The following MET variants were observed in gnomAD, a reference collection of about 807,000 sequenced individuals.
MET encodes the protein MET proto-oncogene, receptor tyrosine kinase, also known as hepatocyte growth factor receptor.
Under a neutral mutation model 133.1 loss-of-function variants are expected in MET, and 48 were observed. The observed-to-expected ratio is 0.36, with a 90% CI of 0.29 to 0.46. The LOEUF (loss-of-function observed/expected upper bound fraction) is 0.46, where lower values mean the gene tolerates loss of function less well. Among genes scored for constraint, MET ranks in the 20% least tolerant of loss-of-function variants. MET has a pLI of 1.00. For synonymous variants in MET, 628 were observed against 616.5 expected (o/e 1.02, Z -0.28); for missense variants, 1,442 against 1,695.9 (o/e 0.85, Z 2.63).
At chr7:116,764,192 C>T (rs1359771462) in intron 11 of MET, among the ~76,000 whole-genome samples, 2 of 152,118 alleles carry the variant, frequency 1.3e-5, no homozygotes, top group Non-Finnish European at 2.9e-5. Context: ...AATTTAACTG[C>T]AGCCCAACTT....
chr7:116,729,278 C>T (rs2116764757), intron 2 of MET, among the ~76,000 whole-genome samples: 1 of 152,228 alleles, frequency 6.6e-6, no homozygotes, highest in South Asian at 2.1e-4. Context: ...GTATTAATTA[C>T]AAGAGTCAGT....
At chr7:116,687,028 C>T (rs943668353) in intron 1 of MET, among the ~76,000 whole-genome samples, 3 of 152,226 alleles carry the variant, frequency 2.0e-5, no homozygotes, top group African/African-American at 7.2e-5. Flanking sequence ...CTTTACAGCA[C>T]AGCCTGGGCG....
chr7:116,729,116 A>G (rs1249049357), intron 2 of MET, among the ~76,000 whole-genome samples: 2 of 152,238 alleles, frequency 1.3e-5, no homozygotes, highest in Non-Finnish European at 2.9e-5. Context: ...TTAATTATCA[A>G]TTAATCGGTT....
chr7:116,687,851 C>T (rs1368645027), intron 1 of MET, among the ~76,000 whole-genome samples: 2 of 152,212 alleles, frequency 1.3e-5, no homozygotes, highest in African/African-American at 4.8e-5. Context: ...TTGGCACCCT[C>T]ACACCTCTCC....
intron 3 of MET, among the ~76,000 whole-genome samples, chr7:116,739,298 T>A (rs2116821923): frequency 6.6e-6 from 1 of 152,292 alleles, no homozygotes; most frequent in African/African-American, 2.4e-5. Flanking sequence ...CAAACCTCAT[T>A]TCCCGGGCAT....
chr7:116,686,753 C>T (rs1310910925), intron 1 of MET, among the ~76,000 whole-genome samples: 1 of 152,210 alleles, frequency 6.6e-6, no homozygotes, highest in African/African-American at 2.4e-5. Context: ...TAATCTTATA[C>T]CTTTTTCCAC....
intron 1 of MET, among the ~76,000 whole-genome samples, chr7:116,698,356 G>T (rs754825675): frequency 6.6e-6 from 1 of 152,138 alleles, no homozygotes; most frequent in Non-Finnish European, 1.5e-5. Flanking sequence ...AGTAGTTCTA[G>T]GACTTTAGTT....
At chr7:116,732,121 C>T (rs1357151176) in intron 3 of MET, among the ~76,000 whole-genome samples, 1 of 151,860 alleles carries the variant, frequency 6.6e-6, no homozygotes. Flanking sequence ...ATTTTTTTTC[C>T]ATTTATAATT....
intron 2 of MET, among the ~76,000 whole-genome samples, chr7:116,720,207 TG>T (rs2116707109): frequency 6.8e-6 from 1 of 148,112 alleles, no homozygotes; most frequent in Admixed American, 6.7e-5. Flanking sequence ...TCACATCCCT[TG>T]TAAGTTGGAT....
intron 11 of MET, among the ~76,000 whole-genome samples, chr7:116,769,299 C>T (rs548683119): frequency 4.6e-5 from 7 of 152,162 alleles, no homozygotes; most frequent in East Asian, 1.9e-4. Flanking sequence ...CTCTACATTG[C>T]GTCTTTTTTG....
chr7:116,685,104 G>A (rs746013159), intron 1 of MET, among the ~76,000 whole-genome samples: 1 of 152,176 alleles, frequency 6.6e-6, no homozygotes, highest in Non-Finnish European at 1.5e-5. Context: ...TGTGGGAGTA[G>A]ATGGAGATAA....
At chr7:116,688,252 C>G (rs940489444) in intron 1 of MET, among the ~76,000 whole-genome samples, 1 of 151,592 alleles carries the variant, frequency 6.6e-6, no homozygotes, top group Admixed American at 6.6e-5. Flanking sequence ...AATATATAGA[C>G]TTGGAAAGAT....
chr7:116,699,725 T>C lies in MET; in HGVS notation c.641T>C (p.Ile214Thr), dbSNP rs2116594107. The change falls in exon 2 of 21, where the codon ATA becomes ACA. Residue 214 changes from isoleucine (I) to threonine (T), a missense_variant. Transcript: ENST00000397752. ...TTCCCAGATCATCCATTGCATTCGA[T>C]ATCAGTGAGAAGGCTAAAGGAAACG... ...SYFPDHPLHS[I>T]SVRRLKETKD... 6.2e-7 allele frequency: 1 copy of C among 1,614,142 alleles called. No homozygotes were observed. Among genetic ancestry groups the C allele is most frequent in the South Asian group, 1.1e-5 (1 of 91,084 alleles).
chr7:116,780,541 C>G (rs1449094867), intron 17 of MET, among the ~76,000 whole-genome samples: 1 of 152,180 alleles, frequency 6.6e-6, no homozygotes, highest in East Asian at 1.9e-4. Flanking sequence ...GCTACCTTCT[C>G]TAGGGTACTG....
chr7:116,789,839 T>A (rs1795429451), intron 19 of MET, among the ~76,000 whole-genome samples: 1 of 152,204 alleles, frequency 6.6e-6, no homozygotes, highest in Admixed American at 6.5e-5. Context: ...CCAGGGTACA[T>A]GTGCAAGATG....
At chr7:116,793,671 G>T (rs1795583448) in intron 19 of MET, among the ~76,000 whole-genome samples, 2 of 151,868 alleles carry the variant, frequency 1.3e-5, no homozygotes, top group African/African-American at 4.8e-5. Flanking sequence ...GGCCAAGGAG[G>T]GTGGATCACC....
Position 116,740,047 on chromosome 7 carries a change from A to G in MET, c.1490A>G (p.Asn497Ser), listed in dbSNP as rs753713629. 2 of 1,613,982 alleles carry G rather than the reference A, an allele frequency of 1.2e-6. No homozygotes were observed. Among genetic ancestry groups the G allele is most frequent in the Non-Finnish European group, 1.7e-6 (2 of 1,180,002 alleles). Residue 497 changes from asparagine (N) to serine (S), a missense_variant, in exon 4 of 21, where the codon AAC (asparagine) becomes AGC (serine). Physicochemically the swap from Asn to Ser is conservative, Grantham distance 46. Transcript: ENST00000397752. ...SPEVIVEHTL[N>S]QNGYTLVITG... ...GAAGTGATTGTGGAGCATACATTAA[A>G]CCAAAATGGCTACACACTGGTTATC...
intron 19 of MET, among the ~76,000 whole-genome samples, chr7:116,786,284 G>A (rs961900170): frequency 2.0e-5 from 3 of 152,116 alleles, no homozygotes; most frequent in African/African-American, 4.8e-5. Context: ...CCTCTAAATG[G>A]CCCCATCATT....
chr7:116,679,642 G>A (rs966707038), intron 1 of MET, among the ~76,000 whole-genome samples: 2 of 152,186 alleles, frequency 1.3e-5, no homozygotes, highest in Non-Finnish European at 1.5e-5. Context: ...CTATAATCAC[G>A]AGTTGTCATA....
Sources: gnomAD v4.1 joint callset for allele counts (sites outside exome capture counted in the v4.1 genomes callset) on GRCh38, gnomAD v4.1.1 for gene constraint, MANE v1.5 for transcripts, NCBI Gene and HGNC (gene_info 2026-07-23, HGNC 2026-07-21) for gene names.